The following LRIG1 variants were observed in gnomAD, a reference collection of about 807,000 sequenced individuals.
LRIG1 encodes leucine rich repeats and immunoglobulin like domains 1.
Under a neutral mutation model 99.2 loss-of-function variants are expected in LRIG1, and 48 were observed. That is an observed-to-expected ratio of 0.48 (90% confidence interval 0.38 to 0.62). The LOEUF is 0.62. Among genes scored for constraint, LRIG1 ranks in the 20% least tolerant of loss-of-function variants. The pLI is 0.00. For synonymous variants in LRIG1, 772 were observed against 596.1 expected, an observed-to-expected ratio of 1.29 and a Z score of -4.30; for missense variants, 1,646 against 1,434.4, an observed-to-expected ratio of 1.15 and a Z score of -2.38.
rs1409551446 is a variant in LRIG1, at chr3:66,380,434, C to T, written c.3111G>A (p.Gln1037=). ...RLYHPDSTEL[Q]PASSLTSGSP... The stretch of plus-strand genomic sequence containing the variant: ...TGCCTGAAGTTAATGAAGATGCAGG[C>T]TGTAGCTCTGTGGAGTCCGGGTGAT... Residue 1037 remains glutamine, a synonymous_variant, in exon 19 of 19, where the codon CAG becomes CAA. Transcript: ENST00000273261. 1 of 1,614,218 alleles carries T rather than the reference C, an allele frequency of 6.2e-7. No individual in the cohort carries two copies. The highest frequency in any genetic ancestry group is 1.7e-5 in the Admixed American group (1 of 60,036).
In LRIG1 at chr3:66,500,166, GAGGGCGGAA is replaced by G; in HGVS notation, c.218+15_218+23del. The G allele has an allele frequency of 1.3e-6, 2 of 1,505,000 alleles. No individual in the cohort carries two copies. Among genetic ancestry groups the G allele is most frequent in the South Asian group, 1.2e-5 (1 of 82,838 alleles). 93.2% of individuals were successfully genotyped at this position (1,505,000 alleles called of 1,614,324 possible). A position where few individuals can be genotyped will look rare whatever the true frequency, so the allele number is the denominator to read the frequency against. On this transcript the variant is annotated intron_variant, in intron 1 of 18. Transcript: ENST00000273261. ...AAGTGACAGAGCCCCGGGGCGCAGA[GAGGGCGGAA>G]AGGGCGGCACTCACAGGCTCCGCGT...
intron 3 of LRIG1, among the ~76,000 whole-genome samples, chr3:66,425,214 T>G (rs942884289): frequency 4.6e-5 from 7 of 152,298 alleles, no homozygotes; most frequent in African/African-American, 1.7e-4. Context: ...CTGGCAGAAC[T>G]TTAAGGGCAC....
chr3:66,389,645 T>C (rs1466037650), intron 12 of LRIG1, among the ~76,000 whole-genome samples: 1 of 152,118 alleles, frequency 6.6e-6, no homozygotes, highest in African/African-American at 2.4e-5. Context: ...TAAATACATA[T>C]ATACCTAATG....
chr3:66,409,210 A>G lies in LRIG1; in HGVS notation c.935+919T>C, dbSNP rs1409399644. ...AGGAAGAAAAAAACAAAACAAAACA[A>G]AAAAACCCACCCAACTCTTGTGAAA... On this transcript the variant is annotated intron_variant, in intron 7 of 18. Transcript: ENST00000273261. Among the ~76,000 whole-genome samples the G allele has an allele frequency of 8.5e-5, 13 of 152,178 alleles. No individual in the cohort carries two copies. The East Asian group carries it at 2.5e-3, about 29-fold the overall frequency.
In LRIG1 at chr3:66,386,007, G is replaced by A; in HGVS notation, c.1763C>T (p.Ser588Leu). ...VITNHFGSTY[S>L]HKARLTVNVL... ...ATTCACGGTGAGCCTGGCCTTATGT[G>A]AATAGGTGGAGCCAAAGTGGTTGGT... The change falls in exon 13 of 19, where the codon TCA becomes TTA. Residue 588 changes from serine (S) to leucine (L), a missense_variant. By Grantham distance (145) the Ser-to-Leu change is moderately radical (BLOSUM62 -2). Coordinates refer to ENST00000273261, the MANE Select transcript of LRIG1 (RefSeq NM_015541.3). The A allele has an allele frequency of 6.2e-7, 1 of 1,614,178 alleles. No homozygotes were observed. The highest frequency in any genetic ancestry group is 8.5e-7 in the Non-Finnish European group (1 of 1,180,022).
chr3:66,415,113 C>T, intron 4 of LRIG1, 50 bp from the exon 5 acceptor site: 1 of 1,549,250 alleles, frequency 6.5e-7, no homozygotes, highest in Non-Finnish European at 8.7e-7. Context: ...AGGCCTTCCT[C>T]ATTTCATTAT....
chr3:66,451,855 A>C (rs1703913896), intron 2 of LRIG1, among the ~76,000 whole-genome samples: 1 of 152,174 alleles, frequency 6.6e-6, no homozygotes, highest in Non-Finnish European at 1.5e-5. Flanking sequence ...AGAAACAAAC[A>C]CTAAGGGGAA....
chr3:66,382,196 A>G (rs1701116453), intron 16 of LRIG1, 77 bp downstream of exon 16: 2 of 1,572,100 alleles, frequency 1.3e-6, no homozygotes, highest in African/African-American at 2.7e-5. Flanking sequence ...CCTGCCCTGT[A>G]AAGACCTGGA....
chr3:66,388,108 A>C (rs1701469581), intron 12 of LRIG1: 2 of 27,104 alleles, frequency 7.4e-5, no homozygotes, highest in African/African-American at 1.6e-4. Context: ...CTCTGTCTCA[A>C]AAAAAAAAAA....
At chr3:66,405,411 G>A in intron 8 of LRIG1, 133 bp from the exon 9 acceptor site, 1 of 720,248 alleles carries the variant, frequency 1.4e-6, no homozygotes, top group East Asian at 2.7e-5. Context: ...GGGACGTAGG[G>A]TGAAGAGACA....
intron 3 of LRIG1, among the ~76,000 whole-genome samples, chr3:66,422,356 C>T (rs1429127191): frequency 6.6e-6 from 1 of 152,170 alleles, no homozygotes; most frequent in Non-Finnish European, 1.5e-5. Context: ...TTAACAGCAC[C>T]CAAGTCACAT....
At chr3:66,424,849 T>G (rs1039675335) in intron 3 of LRIG1, among the ~76,000 whole-genome samples, 2 of 152,240 alleles carry the variant, frequency 1.3e-5, no homozygotes, top group African/African-American at 4.8e-5. Context: ...CAATAAATTA[T>G]AGGAGATATT....
chr3:66,457,910 T>C (rs1700266918), intron 2 of LRIG1, among the ~76,000 whole-genome samples: 1 of 152,218 alleles, frequency 6.6e-6, no homozygotes, highest in Admixed American at 6.5e-5. Flanking sequence ...AATCACGCAA[T>C]TTCAGCCAAA....
At chr3:66,388,310 AT>A (rs1234294338) in intron 12 of LRIG1, among the ~76,000 whole-genome samples, 3 of 152,040 alleles carry the variant, frequency 2.0e-5, no homozygotes, top group Non-Finnish European at 4.4e-5. Flanking sequence ...AACTGAGATT[AT>A]GTAGTCTGAG....
intron 1 of LRIG1, among the ~76,000 whole-genome samples, chr3:66,481,332 T>C (rs1361974433): frequency 6.6e-6 from 1 of 152,264 alleles, no homozygotes; most frequent in South Asian, 2.1e-4. Context: ...TTTCTCACTT[T>C]GTAGCTTTTT....
At chr3:66,401,560 A>T (rs1204852065) in intron 9 of LRIG1, 2 of 1,268,710 alleles carry the variant, frequency 1.6e-6, no homozygotes, top group Admixed American at 5.9e-5. Flanking sequence ...CAAATTCTCA[A>T]TTATGCAGGG....
Position 66,398,993 on chromosome 3 carries a change from C to G in LRIG1, c.1209G>C (p.Ser403=), listed in dbSNP as rs1385907098. 15 of 1,614,078 alleles carry G rather than the reference C, an allele frequency of 9.3e-6. No individual in the cohort carries two copies. Among genetic ancestry groups the G allele is most frequent in the African/African-American group, 1.3e-5 (1 of 74,936 alleles). The change falls in exon 10 of 19, where the codon TCG becomes TCC. Residue 403 remains serine (S), a synonymous_variant. Coordinates refer to ENST00000273261, the MANE Select transcript of LRIG1 (RefSeq NM_015541.3). ...KIKSVAKRAF[S]GLEGLEHLNL... ...ACAGGTGCTCCAGGCCTTCCAGCCCCGAGAATGCTCTCTTAGCCACAGACT... is the reference window on the plus strand; with the variant it reads ...ACAGGTGCTCCAGGCCTTCCAGCCCGGAGAATGCTCTCTTAGCCACAGACT...
At chr3:66,434,811 GA>G (rs1193110519) in intron 3 of LRIG1, among the ~76,000 whole-genome samples, 3 of 150,306 alleles carry the variant, frequency 2.0e-5, no homozygotes, top group Non-Finnish European at 3.0e-5. Context: ...TGGAGAAACG[GA>G]ATTGCCTATA....
rs1265699181 is a variant in LRIG1 at position 66,500,969 on chromosome 3, C to A, written c.-562G>T. 8 of 152,136 alleles carry A rather than the reference C, an allele frequency of 5.3e-5. No individual in the cohort carries two copies. Among genetic ancestry groups the A allele is most frequent in the African/African-American group, 1.7e-4 (7 of 41,412 alleles). The allele number at this position is 152,136 out of a possible 1,614,324, so 9.4% of individuals were successfully genotyped here. ...CGCAGCCTCGGGTTCCGCACGGCTCCTCCGCGCAGCAAGAGTCCCGCCGAC... is the reference window on the plus strand; with the variant it reads ...CGCAGCCTCGGGTTCCGCACGGCTCATCCGCGCAGCAAGAGTCCCGCCGAC... On this transcript the variant is annotated 5_prime_UTR_variant, in exon 1 of 19. In the 5' UTR this introduces an upstream ATG that the reference lacks. Transcript: ENST00000273261.
Sources: allele counts gnomAD v4.1 joint callset (sites outside exome capture counted in the v4.1 genomes callset), GRCh38; gene constraint gnomAD v4.1.1; transcripts MANE v1.5; gene names NCBI Gene and HGNC (gene_info 2026-07-23, HGNC 2026-07-21).